ESR2: variants seen among roughly 807,000 people sequenced by gnomAD.
The protein encoded by ESR2 is estrogen receptor 2.
In ESR2, 36 loss-of-function variants were observed where a neutral mutation model predicts 49.6. The ratio of observed to expected loss-of-function variants is 0.73; its 90% CI spans 0.56 to 0.96. ESR2 has a LOEUF of 0.96. Among genes scored for constraint, ESR2 ranks in the 40% least tolerant of loss-of-function variants. The probability of loss-of-function intolerance (pLI) is 0.00; values close to 1 mark genes in which losing one functional copy is unlikely to be tolerated. For missense variants in ESR2, 714 were observed against 693.0 expected (o/e 1.03, Z -0.34); for synonymous variants, 320 against 266.1 (o/e 1.20, Z -1.97).
intron 6 of ESR2, among the ~76,000 whole-genome samples, chr14:64,251,890 T>G (rs1183499212): frequency 1.3e-5 from 2 of 152,236 alleles, no homozygotes; most frequent in East Asian, 3.8e-4. Context: ...AGTAAAGGTC[T>G]TTCAGATGAG....
At position 64,229,960 on chromosome 14, in the gene ESR2, C is replaced by CT. The variant is rs1409456995; in HGVS notation, c.*3176dup. ...TTGGGAGGCCTTGGCAGGCAGATCG[C>CT]TGGAGCCCAGGAGTTCAGGACCAGC... On this transcript the variant is annotated 3_prime_UTR_variant, in exon 9 of 9. Transcript: ENST00000341099. 1.3e-5 allele frequency among the ~76,000 whole-genome samples: 2 copies of CT among 152,148 alleles called. No homozygotes were observed. Among genetic ancestry groups the CT allele is most frequent in the African/African-American group, 4.8e-5 (2 of 41,418 alleles).
intron 6 of ESR2, among the ~76,000 whole-genome samples, chr14:64,256,397 G>A (rs1329307994): frequency 6.6e-6 from 1 of 152,032 alleles, no homozygotes; most frequent in Non-Finnish European, 1.5e-5. Context: ...TCCTTCCACC[G>A]CTATTGCCAA....
downstream of ESR2, chr14:64,227,572 C>T: frequency 1.2e-6 from 2 of 1,614,216 alleles, no homozygotes; most frequent in Non-Finnish European, 1.7e-6. Context: ...GAGTCTCCAT[C>T]TTCATTCCAA....
chr14:64,319,981 G>A (rs541106038), intron 1 of ESR2, among the ~76,000 whole-genome samples: 2 of 152,176 alleles, frequency 1.3e-5, no homozygotes, highest in South Asian at 4.1e-4. Flanking sequence ...ACCTGCACTT[G>A]AATGCTTATA....
At chr14:64,249,274 C>T (rs768323565) in intron 7 of ESR2, among the ~76,000 whole-genome samples, 7 of 152,050 alleles carry the variant, frequency 4.6e-5, no homozygotes, top group Admixed American at 6.5e-5. Context: ...AAAAGATAAA[C>T]AATTTAAAGT....
chr14:64,259,698 G>A (rs1448495938), intron 5 of ESR2, among the ~76,000 whole-genome samples: 1 of 152,138 alleles, frequency 6.6e-6, no homozygotes, highest in African/African-American at 2.4e-5. Context: ...TAACTTGATG[G>A]CATTCCAGGT....
intron 7 of ESR2, among the ~76,000 whole-genome samples, chr14:64,249,309 G>T (rs544219426): frequency 3.3e-5 from 5 of 152,094 alleles, no homozygotes; most frequent in African/African-American, 1.2e-4. Flanking sequence ...TTTCCAGCAA[G>T]TGGCTTGAGC....
At chr14:64,311,971 GA>G (rs1555595883) in intron 1 of ESR2, among the ~76,000 whole-genome samples, 1 of 152,162 alleles carries the variant, frequency 6.6e-6, no homozygotes, top group Non-Finnish European at 1.5e-5. Flanking sequence ...TCCTTCTCTT[GA>G]GTTTTCTAAA....
At chr14:64,269,620 T>C (rs747163898) in intron 3 of ESR2, among the ~76,000 whole-genome samples, 1 of 152,178 alleles carries the variant, frequency 6.6e-6, no homozygotes, top group African/African-American at 2.4e-5. Flanking sequence ...AGGTAGCCAC[T>C]GGTCCAAGAA....
upstream of ESR2, among the ~76,000 whole-genome samples, chr14:64,298,046 G>T (rs982000798): frequency 2.0e-5 from 3 of 152,130 alleles, no homozygotes; most frequent in Non-Finnish European, 4.4e-5. Flanking sequence ...GAATGAAAAA[G>T]ATAGGATTAC....
At chr14:64,332,873 C>CTTT (rs150273193) in intron 1 of ESR2, among the ~76,000 whole-genome samples, 2 of 128,688 alleles carry the variant, frequency 1.6e-5, no homozygotes, top group South Asian at 2.6e-4. Flanking sequence ...AATCACAAAT[C>CTTT]TTTTTTTTTT....
intron 1 of ESR2, among the ~76,000 whole-genome samples, chr14:64,307,727 G>A (rs1212641461): frequency 6.6e-6 from 1 of 151,970 alleles, no homozygotes; most frequent in Non-Finnish European, 1.5e-5. Flanking sequence ...GGTAGAGACT[G>A]GGTTACACTG....
intron 7 of ESR2, among the ~76,000 whole-genome samples, chr14:64,236,304 T>G (rs2075597071): frequency 6.6e-6 from 1 of 152,132 alleles, no homozygotes; most frequent in African/African-American, 2.4e-5. Flanking sequence ...TGAAGCTGCT[T>G]CTCCAATCCC....
At chr14:64,235,280 T>TA in intron 7 of ESR2, 130 bp from the exon 8 acceptor site, 1 of 913,654 alleles carries the variant, frequency 1.1e-6, no homozygotes, top group Non-Finnish European at 1.6e-6. Context: ...GGCAGGAGCT[T>TA]ATAAGCATGG....
chr14:64,309,279 T>C (rs868514827), intron 1 of ESR2, among the ~76,000 whole-genome samples: 3 of 152,148 alleles, frequency 2.0e-5, no homozygotes, highest in Non-Finnish European at 4.4e-5. Flanking sequence ...AAGCACACTG[T>C]GGTATAATAT....
At chr14:64,289,449 T>C (rs1596463418) in intron 1 of ESR2, among the ~76,000 whole-genome samples, 1 of 150,454 alleles carries the variant, frequency 6.6e-6, no homozygotes, top group Non-Finnish European at 1.5e-5. Flanking sequence ...GAGGTGGAGG[T>C]TGCAGTGAGC....
At position 64,282,900 on chromosome 14, in the gene ESR2, G is replaced by A; in HGVS notation, c.86C>T (p.Ser29Phe). 1 of 1,614,216 alleles carries A rather than the reference G, an allele frequency of 6.2e-7. No homozygotes were observed. The highest frequency in any genetic ancestry group is 8.5e-7 in the Non-Finnish European group (1 of 1,180,020). Residue 29 changes from serine (S) to phenylalanine (F), a missense_variant, in exon 2 of 9, where the codon TCC becomes TTC. Coordinates refer to ENST00000341099, the MANE Select transcript of ESR2 (RefSeq NM_001437.3). The part of the protein sequence containing the change: ...SQSILPLEHG[S>F]IYIPSSYVDS... The stretch of plus-strand genomic sequence containing the variant: ...TACATAGGAGGAAGGTATGTATATG[G>A]AGCCGTGCTCCAGGGGTAAGATGGA...
At chr14:64,238,071 GTAA>G (rs1008443302) in intron 7 of ESR2, among the ~76,000 whole-genome samples, 10 of 152,080 alleles carry the variant, frequency 6.6e-5, no homozygotes, top group South Asian at 2.1e-4. Context: ...AAAAATAATA[GTAA>G]TAATAATAAT....
chr14:64,256,851 A>G (rs971671124), intron 6 of ESR2, among the ~76,000 whole-genome samples: 2 of 152,252 alleles, frequency 1.3e-5, no homozygotes, highest in African/African-American at 4.8e-5. Flanking sequence ...AGCTCCAGAT[A>G]TAATTGGTCA....
Sources: allele counts gnomAD v4.1 joint callset (sites outside exome capture counted in the v4.1 genomes callset), GRCh38; gene constraint gnomAD v4.1.1; transcripts MANE v1.5; gene names NCBI Gene and HGNC (gene_info 2026-07-23, HGNC 2026-07-21).